The following MAF variants were observed in gnomAD, a reference collection of about 807,000 sequenced individuals.
The protein encoded by MAF is MAF bZIP transcription factor, also known as transcription factor Maf.
In MAF, 10 loss-of-function variants were observed where a neutral mutation model predicts 22.0. The ratio of observed to expected loss-of-function variants is 0.45; its 90% confidence interval spans 0.28 to 0.77. The LOEUF is 0.77. Among genes scored for constraint, MAF ranks in the 30% least tolerant of loss-of-function variants. The probability of loss-of-function intolerance (pLI) is 0.12; values close to 1 mark genes in which losing one functional copy is unlikely to be tolerated. For missense variants in MAF, 544 were observed against 548.4 expected (o/e 0.99, Z 0.08); for synonymous variants, 337 against 255.8 (o/e 1.32, Z -3.03).
chr16:79,350,650 G>C, the MAF span, among the ~76,000 whole-genome samples: 83 of 152,250 alleles, frequency 5.5e-4, no homozygotes, highest in Non-Finnish European at 8.7e-4. Flanking sequence ...GCTGGAGAGG[G>C]TTCCCAGGAC....
the MAF span, among the ~76,000 whole-genome samples, chr16:79,478,496 A>C: frequency 3.3e-5 from 5 of 152,154 alleles, no homozygotes; most frequent in Non-Finnish European, 7.4e-5. Flanking sequence ...AATCACTAGC[A>C]GTGGGATAGG....
the MAF span, among the ~76,000 whole-genome samples, chr16:79,552,681 T>C: frequency 6.6e-6 from 1 of 152,228 alleles, no homozygotes; most frequent in Non-Finnish European, 1.5e-5. Flanking sequence ...ATGATTTGTC[T>C]TCACTAACCA....
At chr16:79,339,343 G>A in the MAF span, among the ~76,000 whole-genome samples, 4 of 152,242 alleles carry the variant, frequency 2.6e-5, no homozygotes, top group Non-Finnish European at 5.9e-5. Flanking sequence ...ACAGGCGTGA[G>A]CCACCGCACC....
At chr16:79,391,881 G>GAGGAGGAGGAGGAGGAGC in the MAF span, among the ~76,000 whole-genome samples, 2 of 132,156 alleles carry the variant, frequency 1.5e-5, no homozygotes, top group South Asian at 2.3e-4. Flanking sequence ...GAAGGAGGAG[G>GAGGAGGAGGAGGAGGAGC]AGGAGGAGGA....
chr16:79,575,949 G>C, the MAF span, among the ~76,000 whole-genome samples: 1 of 152,018 alleles, frequency 6.6e-6, no homozygotes, highest in African/African-American at 2.4e-5. Context: ...TACAAGAACA[G>C]AGAGTCCTAA....
chr16:79,543,588 G>C, the MAF span, among the ~76,000 whole-genome samples: 1 of 152,114 alleles, frequency 6.6e-6, no homozygotes, highest in East Asian at 1.9e-4. Context: ...CCCACGTTCT[G>C]GGTAACATAA....
the MAF span, among the ~76,000 whole-genome samples, chr16:79,314,954 C>A: frequency 6.6e-6 from 1 of 152,142 alleles, no homozygotes; most frequent in Non-Finnish European, 1.5e-5. Flanking sequence ...GAAGCAAAAT[C>A]AATTATTTCT....
At chr16:79,241,212 G>C in the MAF span, among the ~76,000 whole-genome samples, 1 of 152,096 alleles carries the variant, frequency 6.6e-6, no homozygotes, top group Admixed American at 6.6e-5. Context: ...GACAGAAGTA[G>C]ACTTCCCAAG....
the MAF span, among the ~76,000 whole-genome samples, chr16:79,304,248 C>T: frequency 3.3e-5 from 5 of 152,152 alleles, no homozygotes; most frequent in South Asian, 6.2e-4. Flanking sequence ...AATGTCAGCC[C>T]GGGAAGCATC....
the MAF span, among the ~76,000 whole-genome samples, chr16:79,230,453 C>A: frequency 2.0e-5 from 3 of 152,172 alleles, no homozygotes; most frequent in African/African-American, 7.2e-5. Flanking sequence ...CCTGCCCTTG[C>A]CCGGGTGGGC....
chr16:79,212,019 T>A, the MAF span: 1 of 1,536,238 alleles, frequency 6.5e-7, no homozygotes, highest in Non-Finnish European at 8.7e-7. Flanking sequence ...CATAGGTCTC[T>A]TTGCTTTCTG....
chr16:79,366,573 C>T, the MAF span, among the ~76,000 whole-genome samples: 1 of 152,160 alleles, frequency 6.6e-6, no homozygotes, highest in South Asian at 2.1e-4. Flanking sequence ...TTAGGTGTAC[C>T]TGTGTGACTT....
At chr16:79,574,567 G>A in the MAF span, among the ~76,000 whole-genome samples, 1 of 152,072 alleles carries the variant, frequency 6.6e-6, no homozygotes, top group Non-Finnish European at 1.5e-5. Context: ...CTGATTTCGT[G>A]AGACCCATGG....
the MAF span, chr16:79,229,583 G>A: frequency 6.6e-6 from 1 of 152,134 alleles, no homozygotes; most frequent in South Asian, 2.1e-4. Flanking sequence ...CGGCGTGGAG[G>A]CCGTTCGGTA....
chr16:79,217,986 TAAAAAAAAAAAAAAAAAAAA>T, the MAF span, among the ~76,000 whole-genome samples: 1,000 of 52,144 alleles, frequency 0.019, 20 homozygotes, highest in Middle Eastern at 0.1. Context: ...GAAGCTTATG[TAAAAAAAAAAAAAAAAAAAA>T]AAAAAAAAAA....
the MAF span, among the ~76,000 whole-genome samples, chr16:79,413,688 C>A: frequency 6.6e-6 from 1 of 152,120 alleles, no homozygotes; most frequent in Admixed American, 6.5e-5. Context: ...CACAGATAAT[C>A]TCCATTGTGG....
the MAF span, among the ~76,000 whole-genome samples, chr16:79,321,329 G>A: frequency 7.2e-5 from 11 of 152,302 alleles, no homozygotes; most frequent in African/African-American, 1.9e-4. Flanking sequence ...TAGGGGAACC[G>A]CAAATACAAG....
chr16:79,439,890 T>G, the MAF span, among the ~76,000 whole-genome samples: 2 of 152,232 alleles, frequency 1.3e-5, no homozygotes, highest in Non-Finnish European at 2.9e-5. Flanking sequence ...AAATTTGACA[T>G]AACCCAGTGC....
chr16:79,250,409 T>C, the MAF span, among the ~76,000 whole-genome samples: 769 of 152,374 alleles, frequency 5.0e-3, 1 homozygote, highest in Non-Finnish European at 7.7e-3. Flanking sequence ...CCAAAGAGAC[T>C]GCGGAGAGGT....
Sources: allele counts gnomAD v4.1 joint callset (sites outside exome capture counted in the v4.1 genomes callset), GRCh38; gene constraint gnomAD v4.1.1; transcripts MANE v1.5; gene names NCBI Gene and HGNC (gene_info 2026-07-23, HGNC 2026-07-21).